The following REPS2 variants were observed in gnomAD, a reference collection of about 807,000 sequenced individuals.
The protein encoded by REPS2 is RALBP1 associated Eps domain containing 2.
In REPS2, 23 loss-of-function variants were observed where a neutral mutation model predicts 53.6. That is an observed-to-expected ratio of 0.43 (90% CI 0.31 to 0.61). The LOEUF (loss-of-function observed/expected upper bound fraction) is 0.61, where lower values mean the gene tolerates loss of function less well. Ranked by LOEUF, REPS2 falls within the 20% of genes least tolerant of loss-of-function variation. The pLI, the probability that REPS2 is intolerant of heterozygous loss-of-function variation, is 0.11. For missense variants in REPS2, 446 were observed against 534.9 expected, an observed-to-expected ratio of 0.83 and a Z score of 1.64; for synonymous variants, 238 against 218.6, an observed-to-expected ratio of 1.09 and a Z score of -0.78.
the REPS2 span, among the ~76,000 whole-genome samples, chrX:17,174,690 A>G: frequency 6.2e-5 from 7 of 112,601 alleles, no homozygotes; most frequent in African/African-American, 1.6e-4. Flanking sequence ...GAAGCCATCA[A>G]TTACCTGCTG....
At chrX:17,016,610 T>C (rs2061497003) in intron 2 of REPS2, among the ~76,000 whole-genome samples, 1 of 110,866 alleles carries the variant, frequency 9.0e-6, no homozygotes, top group Non-Finnish European at 1.9e-5. Context: ...GGTTTCACCA[T>C]GTTGGTCAGG....
chrX:17,092,692 C>G (rs549083422), intron 13 of REPS2, among the ~76,000 whole-genome samples: 1 of 107,495 alleles, frequency 9.3e-6, no homozygotes. Context: ...GCCTTCTTTT[C>G]CCTCCCAGGA....
chrX:17,022,949 G>C (rs1408175516), intron 3 of REPS2, among the ~76,000 whole-genome samples: 1 of 112,142 alleles, frequency 8.9e-6, no homozygotes, highest in African/African-American at 3.2e-5. Flanking sequence ...GATGATGATT[G>C]GTGGAGACAA....
intron 10 of REPS2, among the ~76,000 whole-genome samples, chrX:17,069,601 A>C (rs1454717276): frequency 8.9e-6 from 1 of 111,774 alleles, no homozygotes; most frequent in Non-Finnish European, 1.9e-5. Flanking sequence ...ACTCCCAGGG[A>C]TTCTCATGTC....
chrX:16,956,144 C>T (rs1380827835), intron 1 of REPS2, among the ~76,000 whole-genome samples: 1 of 110,072 alleles, frequency 9.1e-6, no homozygotes, highest in Non-Finnish European at 1.9e-5. Flanking sequence ...CAGGCCTTCT[C>T]AGCCTGGGTT....
chrX:16,972,706 G>GT (rs1247366392), intron 1 of REPS2, among the ~76,000 whole-genome samples: 2 of 111,459 alleles, frequency 1.8e-5, no homozygotes, highest in Non-Finnish European at 3.8e-5. Flanking sequence ...AGGTATTATT[G>GT]TTTATAGTGG....
intron 1 of REPS2, among the ~76,000 whole-genome samples, chrX:16,976,641 T>C (rs1325716389): frequency 9.0e-6 from 1 of 111,262 alleles, no homozygotes; most frequent in African/African-American, 3.3e-5. Context: ...CTTTGGAGAG[T>C]AGAAGGGGGG....
chrX:17,016,760 CTTTTTTT>C lies in REPS2; in HGVS notation c.398-5348_398-5342del, dbSNP rs139092298. Among the ~76,000 whole-genome samples the C allele has an allele frequency of 7.5e-4, 48 of 63,655 alleles. No individual in the cohort carries two copies. In the East Asian group the frequency reaches 0.022, roughly 29 times the overall value. 55.3% of individuals were successfully genotyped at this position (63,655 alleles called of 115,157 possible). A position where few individuals can be genotyped will look rare whatever the true frequency, so the allele number is the denominator to read the frequency against. On this transcript the variant is annotated intron_variant, in intron 2 of 17. Transcript: ENST00000357277. ...ACATCATGAAATATTTTTCTTTTTT[CTTTTTTT>C]TTTTTTTTTTTTTTGCAAATATTCA... is the stretch of plus-strand genomic sequence containing the variant.
intron 1 of REPS2, among the ~76,000 whole-genome samples, chrX:16,954,362 G>A (rs2060564342): frequency 8.9e-6 from 1 of 112,153 alleles, no homozygotes; most frequent in Non-Finnish European, 1.9e-5. Flanking sequence ...AACTGTCAAT[G>A]CAAGGTTAAT....
intron 1 of REPS2, among the ~76,000 whole-genome samples, chrX:16,966,155 G>C (rs1367402462): frequency 8.9e-6 from 1 of 111,833 alleles, no homozygotes; most frequent in Non-Finnish European, 1.9e-5. Flanking sequence ...CAATTTCTTA[G>C]AGCAGTAACT....
intron 10 of REPS2, among the ~76,000 whole-genome samples, chrX:17,069,125 T>C (rs1227419456): frequency 8.9e-6 from 1 of 112,249 alleles, no homozygotes; most frequent in Non-Finnish European, 1.9e-5. Flanking sequence ...TACTGTCTTA[T>C]TCAGTCCTCA....
At chrX:17,130,554 C>T (rs2063278726) in intron 14 of REPS2, among the ~76,000 whole-genome samples, 2 of 112,007 alleles carry the variant, frequency 1.8e-5, no homozygotes, top group Non-Finnish European at 3.8e-5. Flanking sequence ...TACTTGCCCT[C>T]CACAGTCCAC....
At chrX:16,984,314 A>G (rs749711637) in intron 1 of REPS2, among the ~76,000 whole-genome samples, 12 of 112,346 alleles carry the variant, frequency 1.1e-4, no homozygotes, top group African/African-American at 3.9e-4. Flanking sequence ...GATTGTCATC[A>G]TGACATGGCA....
In REPS2 at chrX:17,110,340, C is replaced by T. The variant is rs1397104963; in HGVS notation, c.1578+6561C>T. On this transcript the variant is annotated intron_variant, in intron 14 of 17. Coordinates refer to ENST00000357277, the MANE Select transcript of REPS2 (RefSeq NM_004726.3). The stretch of plus-strand genomic sequence containing the variant: ...TTTTTTTTTTTTTTGGGAATATCTA[C>T]GTTACACTTACCTAGTTGACCATCT... 1.6e-4 allele frequency among the ~76,000 whole-genome samples: 15 copies of T among 94,182 alleles called. 1 individual carries two copies. The Admixed American group carries it at 1.8e-3, about 12-fold the overall frequency. 81.8% of individuals were successfully genotyped at this position (94,182 alleles called of 115,157 possible).
At chrX:17,074,517 G>T (rs890096785) in intron 12 of REPS2, 10 of 150,181 alleles carry the variant, frequency 6.7e-5, no homozygotes, top group African/African-American at 9.2e-5. Flanking sequence ...TCATGACAAG[G>T]TGAACACCAA....
intron 1 of REPS2, among the ~76,000 whole-genome samples, chrX:16,957,959 A>C (rs1455730704): frequency 8.9e-6 from 1 of 111,869 alleles, no homozygotes; most frequent in Non-Finnish European, 1.9e-5. Flanking sequence ...GGCAAAATTT[A>C]GTTCTACATA....
chrX:17,060,077 G>T (rs1169104836), intron 8 of REPS2, among the ~76,000 whole-genome samples: 3 of 110,653 alleles, frequency 2.7e-5, no homozygotes, highest in Non-Finnish European at 5.7e-5. Context: ...GAGGCAGGAG[G>T]ATCAATTGAG....
intron 11 of REPS2, among the ~76,000 whole-genome samples, chrX:17,072,486 G>GTCTA (rs950482251): frequency 7.2e-5 from 8 of 111,331 alleles, no homozygotes; most frequent in Non-Finnish European, 1.5e-4. Context: ...CTGTCTGTCT[G>GTCTA]TCTATCTCTT....
chrX:17,115,933 G>A (rs754995185), intron 14 of REPS2, among the ~76,000 whole-genome samples: 109 of 111,523 alleles, frequency 9.8e-4, no homozygotes, highest in African/African-American at 3.4e-3. Context: ...TACTTCTTTC[G>A]ACACAGACAC....
Sources: allele counts gnomAD v4.1 joint callset (sites outside exome capture counted in the v4.1 genomes callset), GRCh38; gene constraint gnomAD v4.1.1; transcripts MANE v1.5; gene names NCBI Gene and HGNC (gene_info 2026-07-23, HGNC 2026-07-21).